Variants in NBEA observed in about 807,000 individuals in gnomAD.
The protein encoded by NBEA is neurobeachin, also known as lysosomal-trafficking regulator 2.
A neutral mutation model predicts 343.4 loss-of-function variants in NBEA; 44 were observed. That is an observed-to-expected ratio of 0.13 (90% CI 0.10 to 0.16). The LOEUF (loss-of-function observed/expected upper bound fraction) is 0.16, where lower values mean the gene tolerates loss of function less well. NBEA is among the 10% of genes least tolerant of loss of function. The probability of loss-of-function intolerance (pLI) is 1.00; values close to 1 mark genes in which losing one functional copy is unlikely to be tolerated. For missense variants in NBEA, 2,555 were observed against 3,631.3 expected, an observed-to-expected ratio of 0.70 and a Z score of 7.62; for synonymous variants, 1,175 against 1,238.7, an observed-to-expected ratio of 0.95 and a Z score of 1.08.
intron 1 of NBEA, among the ~76,000 whole-genome samples, chr13:35,012,228 C>T (rs956507986): frequency 4.6e-5 from 7 of 152,140 alleles, no homozygotes; most frequent in African/African-American, 1.4e-4. Flanking sequence ...TCAGGGCCTT[C>T]TTGCTGTGTC....
At chr13:35,428,024 C>T (rs925038034) in intron 38 of NBEA, among the ~76,000 whole-genome samples, 9 of 152,140 alleles carry the variant, frequency 5.9e-5, no homozygotes, top group African/African-American at 2.2e-4. Context: ...TTTCCAGGTG[C>T]CATCTGTCAC....
chr13:35,637,737 A>G lies in NBEA; in HGVS notation c.7618-8132A>G, dbSNP rs916160938. 9.2e-5 allele frequency among the ~76,000 whole-genome samples: 14 copies of G among 151,758 alleles called. 1 individual carries two copies. Among genetic ancestry groups the G allele is most frequent in the Non-Finnish European group, 1.8e-4 (12 of 67,914 alleles). On this transcript the variant is annotated intron_variant, in intron 49 of 58. Coordinates refer to ENST00000379939, the MANE Select transcript of NBEA (RefSeq NM_001385012.1). ...CTCGGGAGGCTGAGGCAGGAGAATC[A>G]CTTGAACCCGGGAGGCGGAGGTTGC...
intron 18 of NBEA, among the ~76,000 whole-genome samples, chr13:35,143,055 C>A (rs535769364): frequency 2.6e-5 from 4 of 152,254 alleles, no homozygotes; most frequent in Non-Finnish European, 4.4e-5. Context: ...TTCTCTAGCA[C>A]AAGAGCTAAC....
chr13:35,083,343 A>G (rs1343247035), intron 10 of NBEA, among the ~76,000 whole-genome samples: 1 of 152,042 alleles, frequency 6.6e-6, no homozygotes, highest in Non-Finnish European at 1.5e-5. Context: ...GTTTGAAGTC[A>G]GGTAGCGTGA....
chr13:35,271,230 T>A (rs1040383984), intron 34 of NBEA, among the ~76,000 whole-genome samples: 1 of 152,178 alleles, frequency 6.6e-6, no homozygotes, highest in East Asian at 1.9e-4. Flanking sequence ...AAAGTGGACG[T>A]CCAGCGAATT....
At chr13:34,974,425 TGTTA>T (rs1379871804) in intron 1 of NBEA, among the ~76,000 whole-genome samples, 1 of 152,228 alleles carries the variant, frequency 6.6e-6, no homozygotes, top group East Asian at 1.9e-4. Flanking sequence ...CAGCTTATCT[TGTTA>T]GTTTCATTTC....
intron 36 of NBEA, among the ~76,000 whole-genome samples, chr13:35,329,889 G>A (rs1410605853): frequency 2.0e-5 from 3 of 151,832 alleles, no homozygotes; most frequent in East Asian, 3.9e-4. Flanking sequence ...GAAGGCCTTC[G>A]CTTATCTGGC....
intron 41 of NBEA, among the ~76,000 whole-genome samples, chr13:35,515,720 A>ACATTT (rs1381677417): frequency 6.6e-6 from 1 of 150,684 alleles, no homozygotes. Flanking sequence ...TCCATTTTCT[A>ACATTT]AGTACATTTC....
chr13:35,477,870 T>C (rs1039767603), intron 41 of NBEA, among the ~76,000 whole-genome samples: 1 of 152,212 alleles, frequency 6.6e-6, no homozygotes, highest in Admixed American at 6.5e-5. Flanking sequence ...TTTTGGAACC[T>C]GGAAACAGGA....
At chr13:35,478,343 C>T (rs994473588) in intron 41 of NBEA, among the ~76,000 whole-genome samples, 1 of 152,214 alleles carries the variant, frequency 6.6e-6, no homozygotes, top group South Asian at 2.1e-4. Flanking sequence ...CCAAAAAACC[C>T]CTCCCCACTT....
chr13:35,389,950 A>G (rs1217231527), intron 38 of NBEA, among the ~76,000 whole-genome samples: 1 of 109,662 alleles, frequency 9.1e-6, no homozygotes, highest in African/African-American at 3.4e-5. Context: ...GGTCATTTCT[A>G]TGGTTTATGT....
At chr13:35,439,572 G>A (rs1406692849) in intron 39 of NBEA, among the ~76,000 whole-genome samples, 1 of 152,086 alleles carries the variant, frequency 6.6e-6, no homozygotes, top group Non-Finnish European at 1.5e-5. Context: ...TTTTATTTTA[G>A]ATGTCTCATA....
At chr13:35,589,307 T>C (rs562265564) in intron 46 of NBEA, among the ~76,000 whole-genome samples, 2 of 152,216 alleles carry the variant, frequency 1.3e-5, no homozygotes, top group South Asian at 4.1e-4. Context: ...GACCTTGAAT[T>C]TTCTCAGATA....
At chr13:35,057,497 G>A (rs1157949836) in intron 7 of NBEA, among the ~76,000 whole-genome samples, 1 of 152,094 alleles carries the variant, frequency 6.6e-6, no homozygotes, top group African/African-American at 2.4e-5. Context: ...AACCAGGTGT[G>A]GCAGGCAAAG....
At chr13:35,064,667 T>G (rs149064422) in intron 8 of NBEA, among the ~76,000 whole-genome samples, 15 of 151,946 alleles carry the variant, frequency 9.9e-5, no homozygotes, top group Non-Finnish European at 2.2e-4. Context: ...GACAGGGTCT[T>G]TAAAGAGGTA....
intron 8 of NBEA, 53 bp from the exon 9 acceptor site, chr13:35,069,855 G>A (rs530968911): frequency 2.4e-6 from 3 of 1,276,290 alleles, no homozygotes; most frequent in Non-Finnish European, 3.2e-6. Flanking sequence ...TAAAACTTTT[G>A]AGTGTAATTG....
At chr13:35,527,375 T>G (rs2078029282) in intron 41 of NBEA, among the ~76,000 whole-genome samples, 1 of 152,156 alleles carries the variant, frequency 6.6e-6, no homozygotes, top group South Asian at 2.1e-4. Context: ...AGGTGGGGTT[T>G]CACCAGGGAC....
At chr13:35,138,690 C>T (rs552710129) in intron 17 of NBEA, among the ~76,000 whole-genome samples, 4 of 152,102 alleles carry the variant, frequency 2.6e-5, no homozygotes, top group South Asian at 2.1e-4. Context: ...GAACTCCTGA[C>T]CTCAAGTGAT....
intron 36 of NBEA, among the ~76,000 whole-genome samples, chr13:35,327,613 C>G (rs1011763799): frequency 6.6e-6 from 1 of 151,850 alleles, no homozygotes; most frequent in African/African-American, 2.4e-5. Flanking sequence ...ACAATAGACA[C>G]TAGGTACTAC....
Sources: allele counts gnomAD v4.1 joint callset (sites outside exome capture counted in the v4.1 genomes callset), GRCh38; gene constraint gnomAD v4.1.1; transcripts MANE v1.5; gene names NCBI Gene and HGNC (gene_info 2026-07-23, HGNC 2026-07-21).